Variants in CHCHD6 observed in about 807,000 individuals in gnomAD.
The protein encoded by CHCHD6 is MICOS complex subunit MIC25.
Under a neutral mutation model 32.3 loss-of-function variants are expected in CHCHD6, and 28 were observed. The observed-to-expected ratio is 0.87, with a 90% CI of 0.64 to 1.19. The LOEUF is 1.19. Among genes scored for constraint, CHCHD6 ranks in the 50% most tolerant of loss-of-function variants. The pLI is 0.00. For synonymous variants in CHCHD6, 122 were observed against 117.5 expected, an observed-to-expected ratio of 1.04 and a Z score of -0.25; for missense variants, 333 against 307.0, an observed-to-expected ratio of 1.08 and a Z score of -0.63.
intron 4 of CHCHD6, among the ~76,000 whole-genome samples, chr3:126,838,513 G>A (rs1226656216): frequency 6.6e-6 from 1 of 152,190 alleles, no homozygotes; most frequent in Non-Finnish European, 1.5e-5. Context: ...GTCAATGAAG[G>A]AAGGTCTGCA....
At chr3:126,935,855 G>A (rs1194602738) in intron 6 of CHCHD6, among the ~76,000 whole-genome samples, 2 of 152,212 alleles carry the variant, frequency 1.3e-5, no homozygotes, top group Non-Finnish European at 2.9e-5. Flanking sequence ...GAATTGTTTA[G>A]GAGATAAAAT....
intron 6 of CHCHD6, among the ~76,000 whole-genome samples, chr3:126,921,835 C>T (rs1317166628): frequency 6.6e-6 from 1 of 152,192 alleles, no homozygotes; most frequent in Non-Finnish European, 1.5e-5. Context: ...TGAATTGTTT[C>T]TAGGAACCTG....
intron 4 of CHCHD6, among the ~76,000 whole-genome samples, chr3:126,790,740 G>T (rs1009759100): frequency 5.3e-5 from 8 of 152,102 alleles, no homozygotes; most frequent in African/African-American, 1.7e-4. Context: ...TTTTTTCAAG[G>T]TTTTTAACTT....
intron 4 of CHCHD6, among the ~76,000 whole-genome samples, chr3:126,795,963 G>A (rs1282600390): frequency 6.6e-6 from 1 of 152,184 alleles, no homozygotes; most frequent in Non-Finnish European, 1.5e-5. Context: ...CTCATAGTCA[G>A]TTTCAGTGGT....
intron 5 of CHCHD6, among the ~76,000 whole-genome samples, chr3:126,911,831 G>A (rs1157246147): frequency 2.0e-5 from 3 of 152,222 alleles, no homozygotes; most frequent in Non-Finnish European, 4.4e-5. Context: ...CCAAGGATTC[G>A]CTCTCTGAGA....
chr3:126,855,970 AT>A (rs1473024875), intron 5 of CHCHD6, among the ~76,000 whole-genome samples: 1 of 152,068 alleles, frequency 6.6e-6, no homozygotes, highest in African/African-American at 2.4e-5. Flanking sequence ...TTTCCATAGC[AT>A]TTTCACTTAG....
At chr3:126,838,397 C>G (rs1229981666) in intron 4 of CHCHD6, among the ~76,000 whole-genome samples, 1 of 152,170 alleles carries the variant, frequency 6.6e-6, no homozygotes, top group East Asian at 1.9e-4. Context: ...CCTGATTTTT[C>G]TGTGCCTTTG....
chr3:126,906,604 G>A (rs2078010595), intron 5 of CHCHD6, among the ~76,000 whole-genome samples: 2 of 152,220 alleles, frequency 1.3e-5, no homozygotes, highest in Admixed American at 6.5e-5. Context: ...CTTCTGCCCA[G>A]TGTCAGCCGG....
At chr3:126,935,590 G>C (rs2078468213) in intron 6 of CHCHD6, among the ~76,000 whole-genome samples, 1 of 152,206 alleles carries the variant, frequency 6.6e-6, no homozygotes, top group South Asian at 2.1e-4. Context: ...TGCTACATCA[G>C]CTCAAAACCG....
intron 5 of CHCHD6, among the ~76,000 whole-genome samples, chr3:126,893,739 C>A (rs1165632277): frequency 1.3e-5 from 2 of 152,172 alleles, no homozygotes; most frequent in African/African-American, 4.8e-5. Flanking sequence ...TGGGCCAGAC[C>A]CCTTCAGCAG....
chr3:126,864,443 A>G (rs1462785175), intron 5 of CHCHD6, among the ~76,000 whole-genome samples: 2 of 119,754 alleles, frequency 1.7e-5, no homozygotes, highest in Admixed American at 1.6e-4. Context: ...CACCTTCACC[A>G]TCATCACTGC....
intron 5 of CHCHD6, among the ~76,000 whole-genome samples, chr3:126,893,464 A>G (rs989901046): frequency 5.5e-4 from 83 of 152,192 alleles, no homozygotes; most frequent in Non-Finnish European, 8.4e-4. Flanking sequence ...GCCTCCTTGA[A>G]TGAGGTCAAG....
At chr3:126,734,967 C>A (rs1935976631) in intron 4 of CHCHD6, among the ~76,000 whole-genome samples, 1 of 152,086 alleles carries the variant, frequency 6.6e-6, no homozygotes. Context: ...GCTTTTAGAA[C>A]CCCATGGCAT....
At chr3:126,896,505 G>C (rs994646388) in intron 5 of CHCHD6, among the ~76,000 whole-genome samples, 1 of 152,090 alleles carries the variant, frequency 6.6e-6, no homozygotes, top group Non-Finnish European at 1.5e-5. Context: ...GCTTTTTCTG[G>C]TCTCTCAGAG....
At chr3:126,802,023 C>T (rs563203916) in intron 4 of CHCHD6, among the ~76,000 whole-genome samples, 1 of 152,334 alleles carries the variant, frequency 6.6e-6, no homozygotes, top group African/African-American at 2.4e-5. Context: ...AGAAGGAAAA[C>T]TAACAAACAG....
chr3:126,926,632 C>T (rs754636971), intron 6 of CHCHD6, among the ~76,000 whole-genome samples: 5 of 152,078 alleles, frequency 3.3e-5, no homozygotes, highest in African/African-American at 9.7e-5. Flanking sequence ...AGCAAACATC[C>T]GAGAGGGTAG....
At chr3:126,863,368 T>A (rs1453280629) in intron 5 of CHCHD6, among the ~76,000 whole-genome samples, 3 of 74,152 alleles carry the variant, frequency 4.0e-5, no homozygotes, top group Admixed American at 2.9e-4. Context: ...CATCACCACC[T>A]CCTCCTCCTC....
At chr3:126,728,410 G>A (rs753371348) in intron 2 of CHCHD6, among the ~76,000 whole-genome samples, 6 of 152,162 alleles carry the variant, frequency 3.9e-5, no homozygotes, top group Non-Finnish European at 8.8e-5. Flanking sequence ...CCGGCGACAG[G>A]GTGCATCCCA....
intron 6 of CHCHD6, among the ~76,000 whole-genome samples, chr3:126,938,654 G>C (rs2078516922): frequency 6.6e-6 from 1 of 152,196 alleles, no homozygotes; most frequent in Non-Finnish European, 1.5e-5. Context: ...GTAACTATAA[G>C]ATGTTCCTGT....
Sources: gnomAD v4.1 joint callset for allele counts (sites outside exome capture counted in the v4.1 genomes callset) on GRCh38, gnomAD v4.1.1 for gene constraint, MANE v1.5 for transcripts, NCBI Gene and HGNC (gene_info 2026-07-23, HGNC 2026-07-21) for gene names.